Variants in PCSK5 observed in about 807,000 individuals in gnomAD.
PCSK5 encodes the protein proprotein convertase subtilisin/kexin type 5.
PCSK5 carries 129 observed loss-of-function variants against 233.2 expected under a neutral mutation model. The ratio of observed to expected loss-of-function variants is 0.55; its 90% confidence interval spans 0.48 to 0.64. The LOEUF is 0.64. Among genes scored for constraint, PCSK5 ranks in the 30% least tolerant of loss-of-function variants. The pLI is 0.00. For missense variants in PCSK5, 2,076 were observed against 2,430.1 expected (o/e 0.85, Z 3.06); for synonymous variants, 825 against 879.2 (o/e 0.94, Z 1.09).
intron 22 of PCSK5, 129 bp downstream of exon 22, chr9:76,233,725 G>A: frequency 1.2e-6 from 1 of 812,142 alleles, no homozygotes; most frequent in South Asian, 1.7e-5. Context: ...GTTCACTGGA[G>A]AGCGTGTACA....
At chr9:76,266,226 T>C (rs2643327) in intron 24 of PCSK5, among the ~76,000 whole-genome samples, 139,628 of 152,288 alleles carry the variant, frequency 0.92, 64,013 homozygotes, top group Admixed American at 0.93. Context: ...AAATATTCAT[T>C]TAATAGGATA....
chr9:76,027,081 G>A, intron 5 of PCSK5, 44 bp downstream of exon 5: 1 of 1,335,568 alleles, frequency 7.5e-7, no homozygotes, highest in South Asian at 1.2e-5. Context: ...CTGGCAAGGA[G>A]CTTTGTTTTC....
At chr9:76,275,960 T>C (rs1194831960) in intron 24 of PCSK5, among the ~76,000 whole-genome samples, 1 of 152,220 alleles carries the variant, frequency 6.6e-6, no homozygotes, top group African/African-American at 2.4e-5. Flanking sequence ...TCCAAAGCAG[T>C]GGATGGACTG....
At chr9:76,256,288 C>T (rs924289628) in intron 24 of PCSK5, among the ~76,000 whole-genome samples, 3 of 152,340 alleles carry the variant, frequency 2.0e-5, no homozygotes, top group South Asian at 2.1e-4. Context: ...CGGGTATAAT[C>T]GAAGTTCCTC....
At chr9:76,338,722 A>G (rs115215470) in intron 35 of PCSK5, among the ~76,000 whole-genome samples, 2,523 of 151,596 alleles carry the variant, frequency 0.017, 63 homozygotes, top group African/African-American at 0.057. Context: ...TCATTTTCCT[A>G]CTCTACCTGA....
chr9:76,244,327 G>A (rs905774195), intron 24 of PCSK5, among the ~76,000 whole-genome samples: 1 of 152,160 alleles, frequency 6.6e-6, no homozygotes, highest in African/African-American at 2.4e-5. Context: ...TAATTTTAAA[G>A]AGATAAATAC....
chr9:76,209,289 A>C (rs1021424305), intron 20 of PCSK5, among the ~76,000 whole-genome samples: 7 of 152,276 alleles, frequency 4.6e-5, no homozygotes, highest in Admixed American at 4.6e-4. Flanking sequence ...TCTACTTGCA[A>C]CCTGCGTTCC....
At chr9:76,081,678 C>T (rs1430576963) in intron 7 of PCSK5, among the ~76,000 whole-genome samples, 1 of 152,092 alleles carries the variant, frequency 6.6e-6, no homozygotes, top group Non-Finnish European at 1.5e-5. Flanking sequence ...CACCTAAAGT[C>T]ATTAGACCTT....
chr9:76,114,231 C>T (rs1029604839), intron 9 of PCSK5, among the ~76,000 whole-genome samples: 4 of 152,072 alleles, frequency 2.6e-5, no homozygotes, highest in East Asian at 1.9e-4. Flanking sequence ...ATGCACATTT[C>T]GACTTGAGGC....
intron 35 of PCSK5, among the ~76,000 whole-genome samples, chr9:76,343,305 CA>C (rs1829886469): frequency 6.6e-6 from 1 of 150,518 alleles, no homozygotes; most frequent in Non-Finnish European, 1.5e-5. Context: ...ACTGGGATTA[CA>C]GGCACACACC....
chr9:76,334,640 A>C (rs1202925153), intron 34 of PCSK5, among the ~76,000 whole-genome samples: 1 of 152,200 alleles, frequency 6.6e-6, no homozygotes, highest in Non-Finnish European at 1.5e-5. Context: ...CTGAGGGAGG[A>C]GAATTGCTTG....
intron 13 of PCSK5, among the ~76,000 whole-genome samples, chr9:76,171,399 T>G (rs1418107749): frequency 2.6e-5 from 4 of 152,200 alleles, no homozygotes; most frequent in African/African-American, 9.6e-5. Flanking sequence ...GTGGCAGTTG[T>G]GTACCAAGGA....
At chr9:76,079,436 C>A (rs1366424555) in intron 7 of PCSK5, among the ~76,000 whole-genome samples, 1 of 152,100 alleles carries the variant, frequency 6.6e-6, no homozygotes, top group Non-Finnish European at 1.5e-5. Context: ...CCACAACCGG[C>A]CAGATTGCAT....
At chr9:76,339,767 A>G (rs182153311) in intron 35 of PCSK5, among the ~76,000 whole-genome samples, 4 of 151,736 alleles carry the variant, frequency 2.6e-5, no homozygotes, top group Admixed American at 1.3e-4. Context: ...CTGGTCTCGA[A>G]CTCCTGACCT....
chr9:76,218,685 C>A (rs570116181), intron 20 of PCSK5, among the ~76,000 whole-genome samples: 1 of 151,938 alleles, frequency 6.6e-6, no homozygotes. Flanking sequence ...GAGTATTATC[C>A]ACATTTACAG....
rs145100559 is a variant in PCSK5 at position 75,914,180 on chromosome 9, A to C, written c.193-18199A>C. Reference sequence around the variant, plus strand: ...CATTAACTTGTAACAGATTTAAACCAATTATTAACTCAACCAGATAGATTT... The same window carrying C: ...CATTAACTTGTAACAGATTTAAACCCATTATTAACTCAACCAGATAGATTT... On this transcript the variant is annotated intron_variant, in intron 1 of 37. Transcript: ENST00000674117. 4.4e-3 allele frequency among the ~76,000 whole-genome samples: 663 copies of C among 152,316 alleles called. 8 individuals are homozygous for C. Among genetic ancestry groups the C allele is most frequent in the African/African-American group, 0.014 (594 of 41,564 alleles).
chr9:75,926,950 A>G (rs1261677678), intron 1 of PCSK5, among the ~76,000 whole-genome samples: 1 of 152,172 alleles, frequency 6.6e-6, no homozygotes, highest in Non-Finnish European at 1.5e-5. Context: ...AGTTTTGTCT[A>G]GAAATAATGT....
At chr9:76,214,326 A>C (rs971937760) in intron 20 of PCSK5, among the ~76,000 whole-genome samples, 1 of 151,724 alleles carries the variant, frequency 6.6e-6, no homozygotes, top group Non-Finnish European at 1.5e-5. Flanking sequence ...ACACACACAT[A>C]TGTGTGTGTG....
At chr9:76,068,084 T>TCAGCCAAA in intron 6 of PCSK5, 41 bp downstream of exon 6, 1 of 1,415,352 alleles carries the variant, frequency 7.1e-7, no homozygotes, top group African/African-American at 1.4e-5. Context: ...AATGCGCCAG[T>TCAGCCAAA]TAGCTCTTTG....
Sources: allele counts gnomAD v4.1 joint callset (sites outside exome capture counted in the v4.1 genomes callset), GRCh38; gene constraint gnomAD v4.1.1; transcripts MANE v1.5; gene names NCBI Gene and HGNC (gene_info 2026-07-23, HGNC 2026-07-21).